The following IDE variants were observed in gnomAD, a reference collection of about 807,000 sequenced individuals.
IDE encodes the protein insulin degrading enzyme.
IDE carries 58 observed loss-of-function variants against 133.2 expected under a neutral mutation model. That is an observed-to-expected ratio of 0.44 (90% CI 0.35 to 0.54). The LOEUF (loss-of-function observed/expected upper bound fraction) is 0.54, where lower values mean the gene tolerates loss of function less well. Among genes scored for constraint, IDE ranks in the 20% least tolerant of loss-of-function variants. IDE has a pLI of 0.00. For synonymous variants in IDE, 396 were observed against 421.3 expected (o/e 0.94, Z 0.73); for missense variants, 981 against 1,234.0 (o/e 0.79, Z 3.07).
chr10:92,525,721 A>G (rs1849586057), intron 4 of IDE, among the ~76,000 whole-genome samples: 1 of 148,032 alleles, frequency 6.8e-6, no homozygotes, highest in Non-Finnish European at 1.5e-5. Flanking sequence ...CAAAATCAGT[A>G]GCATTTCTAT....
chr10:92,480,612 G>A (rs1385595450), intron 14 of IDE: 2 of 152,216 alleles, frequency 1.3e-5, no homozygotes, highest in African/African-American at 4.8e-5. Context: ...TATCTAAGGG[G>A]TGGAGTGGAG....
At chr10:92,528,959 C>G (rs528424668) in intron 4 of IDE, among the ~76,000 whole-genome samples, 19 of 152,008 alleles carry the variant, frequency 1.2e-4, no homozygotes, top group Non-Finnish European at 1.9e-4. Flanking sequence ...TGCCCGTAAT[C>G]CCAGCTACTC....
At position 92,478,722 on chromosome 10, in the gene IDE, C is replaced by T. The variant is rs746065167; in HGVS notation, c.1884+555G>A. 1.2e-5 allele frequency: 16 copies of T among 1,282,080 alleles called. 1 individual carries two copies. Among genetic ancestry groups the T allele is most frequent in the Middle Eastern group, 4.3e-4 (2 of 4,688 alleles). 79.4% of individuals were successfully genotyped at this position (1,282,080 alleles called of 1,614,324 possible). On this transcript the variant is annotated intron_variant, in intron 15 of 24. Coordinates refer to ENST00000265986, the MANE Select transcript of IDE (RefSeq NM_004969.4). ...GCTGCATATGTATACTCTTTTAAAT[C>T]ATCCTTCAATAACCTGATAAACAGG... is the stretch of plus-strand genomic sequence containing the variant.
rs556874761 is a variant in IDE at position 92,497,648 on chromosome 10, G to A, written c.1431-7053C>T. 1.5e-5 allele frequency: 11 copies of A among 727,304 alleles called. No homozygotes were observed. The East Asian group carries it at 3.9e-4, about 26-fold the overall frequency. The allele number at this position is 727,304 out of a possible 1,614,324, so 45.1% of individuals were successfully genotyped here. On this transcript the variant is annotated intron_variant, in intron 11 of 24. Coordinates refer to ENST00000265986, the MANE Select transcript of IDE (RefSeq NM_004969.4). ...GTTGCAATGTTAAACTTGTCTCAGC[G>A]GGTATTAAAGAAGGTAATCTTACCC... is the stretch of plus-strand genomic sequence containing the variant.
At chr10:92,495,055 A>G (rs1173711040) in intron 11 of IDE, among the ~76,000 whole-genome samples, 1 of 151,874 alleles carries the variant, frequency 6.6e-6, no homozygotes, top group African/African-American at 2.4e-5. Context: ...CAGTTTCATT[A>G]ATTTTTAATT....
At chr10:92,501,362 TAAAAAAAAAA>T (rs55861862) in intron 11 of IDE, among the ~76,000 whole-genome samples, 2 of 19,234 alleles carry the variant, frequency 1.0e-4, no homozygotes, top group Non-Finnish European at 1.7e-4. Flanking sequence ...ACTCTGTCAT[TAAAAAAAAAA>T]AAAAAAAAAA....
intron 11 of IDE, among the ~76,000 whole-genome samples, chr10:92,493,258 A>G (rs1261161987): frequency 2.0e-5 from 3 of 152,160 alleles, no homozygotes; most frequent in Non-Finnish European, 2.9e-5. Context: ...CAGGCCTAGG[A>G]ACTCGGGCTT....
chr10:92,538,850 C>T (rs1564662277), intron 1 of IDE, among the ~76,000 whole-genome samples: 1 of 151,338 alleles, frequency 6.6e-6, no homozygotes, highest in Non-Finnish European at 1.5e-5. Context: ...TAAGTAAAGC[C>T]AAAAACATAT....
intron 5 of IDE, among the ~76,000 whole-genome samples, chr10:92,510,721 T>C (rs529940094): frequency 2.6e-5 from 4 of 151,624 alleles, no homozygotes; most frequent in South Asian, 2.1e-4. Flanking sequence ...ATATATCACA[T>C]ACATCTCACA....
At chr10:92,481,058 T>C in intron 14 of IDE, 2 of 224,318 alleles carry the variant, frequency 8.9e-6, no homozygotes, top group Non-Finnish European at 1.5e-5. Context: ...TAAGGTATGA[T>C]ACATGATGAC....
Position 92,527,678 on chromosome 10 carries a change from A to G in IDE, c.661+4070T>C, listed in dbSNP as rs1259333862. On this transcript the variant is annotated intron_variant, in intron 4 of 24. Transcript: ENST00000265986. ...TTTTACAGCTTTGTTAAATATTGCA[A>G]ATGAAATAATTTTTACCCCAGCATT... is the stretch of plus-strand genomic sequence containing the variant. Among the ~76,000 whole-genome samples the G allele has an allele frequency of 2.6e-5, 4 of 152,298 alleles. No individual in the cohort carries two copies. In the East Asian group the frequency reaches 7.7e-4, roughly 29 times the overall value.
At chr10:92,469,859 T>C (rs1432196151) in intron 18 of IDE, among the ~76,000 whole-genome samples, 3 of 152,158 alleles carry the variant, frequency 2.0e-5, no homozygotes, top group Non-Finnish European at 4.4e-5. Context: ...AGAAAACAGA[T>C]AAGCACAGAG....
intron 1 of IDE, among the ~76,000 whole-genome samples, chr10:92,567,042 T>C (rs1294821129): frequency 6.6e-6 from 1 of 152,194 alleles, no homozygotes; most frequent in Non-Finnish European, 1.5e-5. Context: ...AACTAGTCCC[T>C]GAGCTACCAA....
At chr10:92,460,550 G>A (rs2135321694) in intron 22 of IDE, among the ~76,000 whole-genome samples, 1 of 152,228 alleles carries the variant, frequency 6.6e-6, no homozygotes, top group African/African-American at 2.4e-5. Flanking sequence ...CACACTGGAA[G>A]AAGAAGAATT....
At position 92,539,861 on chromosome 10, in the gene IDE, T is replaced by C. The variant is rs141586116; in HGVS notation, c.99-2311A>G. On this transcript the variant is annotated intron_variant, in intron 1 of 24. Coordinates refer to ENST00000265986, the MANE Select transcript of IDE (RefSeq NM_004969.4). ...ATATCTGAGTGCCAAGTCTAAAAAA[T>C]GGTGTTTGCGGTAAAATAGTAATAA... 7.9e-5 allele frequency among the ~76,000 whole-genome samples: 12 copies of C among 152,082 alleles called. 1 individual carries two copies. The highest frequency in any genetic ancestry group is 5.2e-4 in the Admixed American group (8 of 15,274).
intron 4 of IDE, among the ~76,000 whole-genome samples, chr10:92,526,539 G>C (rs1849630444): frequency 6.6e-6 from 1 of 152,044 alleles, no homozygotes; most frequent in South Asian, 2.1e-4. Flanking sequence ...ATGTGGAAAG[G>C]AACTGGGGCT....
intron 4 of IDE, among the ~76,000 whole-genome samples, chr10:92,524,342 TTATA>T (rs1564647342): frequency 2.0e-5 from 1 of 49,358 alleles, no homozygotes; most frequent in Non-Finnish European, 3.5e-5. Flanking sequence ...ATATATTATA[TTATA>T]TATAATATAT....
intron 1 of IDE, among the ~76,000 whole-genome samples, chr10:92,556,235 A>T (rs919132320): frequency 6.6e-6 from 1 of 151,844 alleles, no homozygotes; most frequent in Non-Finnish European, 1.5e-5. Flanking sequence ...CATTTGCAGA[A>T]GACATGATCT....
At chr10:92,571,814 T>A (rs1043296798) in intron 1 of IDE, among the ~76,000 whole-genome samples, 1 of 152,246 alleles carries the variant, frequency 6.6e-6, no homozygotes. Context: ...ATGGGTTAAA[T>A]CCCAGCTCTT....
Sources: allele counts gnomAD v4.1 joint callset (sites outside exome capture counted in the v4.1 genomes callset), GRCh38; gene constraint gnomAD v4.1.1; transcripts MANE v1.5; gene names NCBI Gene and HGNC (gene_info 2026-07-23, HGNC 2026-07-21).